The following SNF8 variants were observed in gnomAD, a reference collection of about 807,000 sequenced individuals.
The protein encoded by SNF8 is SNF8 subunit of ESCRT-II, also known as vacuolar-sorting protein SNF8.
SNF8 carries 19 observed loss-of-function variants against 36.8 expected under a neutral mutation model. That is an observed-to-expected ratio of 0.52 (90% CI 0.36 to 0.76). The LOEUF is 0.76. SNF8 is among the 30% of genes least tolerant of loss of function. The pLI, the probability that SNF8 is intolerant of heterozygous loss-of-function variation, is 0.00. For synonymous variants in SNF8, 127 were observed against 127.4 expected (o/e 1.00, Z 0.02); for missense variants, 268 against 322.9 (o/e 0.83, Z 1.30).
intron 5 of SNF8, chr17:48,934,613 A>C (rs1354804998): frequency 2.6e-5 from 4 of 156,018 alleles, no homozygotes; most frequent in Admixed American, 1.3e-4. Context: ...CAAAAAACAA[A>C]AAAAAAAAGT....
intron 4 of SNF8, chr17:48,936,739 A>C (rs1451366434): frequency 1.5e-5 from 7 of 480,312 alleles, no homozygotes; most frequent in Non-Finnish European, 2.2e-5. Flanking sequence ...ATCAGACATC[A>C]GGGGAAAAGG....
chr17:48,936,231 A>C lies in SNF8; in HGVS notation c.361T>G (p.Leu121Val), dbSNP rs777055605. 54 of 1,613,742 alleles carry C rather than the reference A, an allele frequency of 3.3e-5. No homozygotes were observed. The highest frequency in any genetic ancestry group is 4.3e-5 in the Non-Finnish European group (51 of 1,179,770). ...AACACCTGTTGATGTAGTTCCTCCA[A>C]AGTTATCAGACCTGTTTGGAGACAG... ...LKHRNGGLIT[L>V]EELHQQVLKG... The change falls in exon 5 of 8, where the codon TTG (leucine) becomes GTG (valine). Residue 121 changes from leucine (L) to valine (V), a missense_variant. Coordinates refer to ENST00000502492, the MANE Select transcript of SNF8 (RefSeq NM_007241.4).
intron 1 of SNF8, chr17:48,944,208 A>G (rs1365854917): frequency 1.3e-5 from 6 of 473,320 alleles, no homozygotes; most frequent in East Asian, 4.1e-5. Context: ...AGGCTGAGGC[A>G]GGAGAACGGC....
chr17:48,937,156 T>A (rs1177325052), intron 3 of SNF8, 32 bp from the exon 4 acceptor site: 2 of 1,492,704 alleles, frequency 1.3e-6, no homozygotes, highest in Admixed American at 3.3e-5. Context: ...TCTCGGTTAT[T>A]GATTAATTTA....
At chr17:48,944,411 G>A (rs1279598896) in intron 1 of SNF8, among the ~76,000 whole-genome samples, 1 of 152,240 alleles carries the variant, frequency 6.6e-6, no homozygotes, top group African/African-American at 2.4e-5. Context: ...GTTTTCTTAG[G>A]GAGAAGGATA....
chr17:48,933,510 A>G (rs954152942), intron 5 of SNF8, 164 bp from the exon 6 acceptor site: 1 of 727,768 alleles, frequency 1.4e-6, no homozygotes, highest in South Asian at 1.9e-5. Flanking sequence ...GGATGCCCAC[A>G]TTGAGAAGAC....
intron 2 of SNF8, among the ~76,000 whole-genome samples, chr17:48,942,324 C>G (rs186027562): frequency 9.0e-5 from 12 of 133,912 alleles, no homozygotes; most frequent in Admixed American, 8.5e-4. Flanking sequence ...GCAACAAGAG[C>G]GAAACTTGGT....
Position 48,936,168 on chromosome 17 carries a change from A to G in SNF8, c.422+2T>C, listed in dbSNP as rs1206517891. On this transcript the variant is annotated splice_donor_variant, in intron 5 of 7. Transcript: ENST00000502492. LOFTEE classifies it high-confidence loss of function. ...TCCAAGGGATTGGAAGACAAGACCTACTGACTGACATCCTGGGCGAACTTG... is the reference window on the plus strand; with the variant it reads ...TCCAAGGGATTGGAAGACAAGACCTGCTGACTGACATCCTGGGCGAACTTG... 1 of 1,611,650 alleles carries G rather than the reference A, an allele frequency of 6.2e-7. No homozygotes were observed. The highest frequency in any genetic ancestry group is 8.5e-7 in the Non-Finnish European group (1 of 1,177,880).
At chr17:48,944,630 A>G in intron 1 of SNF8, 51 bp downstream of exon 1, 1 of 1,581,070 alleles carries the variant, frequency 6.3e-7, no homozygotes, top group Non-Finnish European at 8.7e-7. Flanking sequence ...GGGACAATTC[A>G]GTCTCGCACG....
rs768570775 is a variant in SNF8 at position 48,943,950 on chromosome 17, A to C, written c.80T>G (p.Val27Gly). Residue 27 changes from valine to glycine, a missense_variant, in exon 2 of 8, where the codon GTC becomes GGC. By Grantham distance (109) the Val-to-Gly change is moderately radical. Coordinates refer to ENST00000502492, the MANE Select transcript of SNF8 (RefSeq NM_007241.4). ...CTGGGCTAGCTGGTCCTCAGCCAAG[A>C]CCGTCCCTCGCTCCTTATACTTGGC... Reference protein sequence around the residue: ...AEAKYKERGTVLAEDQLAQMS... With the variant: ...AEAKYKERGTGLAEDQLAQMS... The C allele has an allele frequency of 6.2e-7, 1 of 1,613,930 alleles. No individual in the cohort carries two copies. Among genetic ancestry groups the C allele is most frequent in the South Asian group, 1.1e-5 (1 of 91,090 alleles).
At chr17:48,937,553 C>T (rs556751412) in intron 3 of SNF8, among the ~76,000 whole-genome samples, 10 of 151,848 alleles carry the variant, frequency 6.6e-5, no homozygotes, top group Admixed American at 6.6e-4. Context: ...TTGCTGGAAC[C>T]CAGGAGGCAG....
chr17:48,941,093 A>T (rs2041016660), intron 2 of SNF8, 31 bp from the exon 3 acceptor site: 1 of 1,606,040 alleles, frequency 6.2e-7, no homozygotes, highest in Non-Finnish European at 8.5e-7. Context: ...GGTGAAGGGC[A>T]GCCCAGCCAA....
intron 4 of SNF8, chr17:48,936,561 T>C: frequency 6.1e-6 from 2 of 329,450 alleles, no homozygotes; most frequent in South Asian, 7.1e-5. Context: ...AAGTTTTCTT[T>C]CTGTAACTTC....
chr17:48,944,685 G>T lies in SNF8; in HGVS notation c.50C>A (p.Ala17Glu). 3.1e-6 allele frequency: 5 copies of T among 1,612,562 alleles called. No homozygotes were observed. Among genetic ancestry groups the T allele is most frequent in the Non-Finnish European group, 4.2e-6 (5 of 1,179,334 alleles). The stretch of plus-strand genomic sequence containing the variant: ...GTCGGCCTTCTTCCTGCTCACCTCT[G>T]CAAGTTTCTTCTTGGCGATGGCGCC... ...GAGAIAKKKL[A>E]EAKYKERGTV... is the part of the protein sequence containing the mutation. Residue 17 changes from alanine to glutamate, a missense_variant, in exon 1 of 8, where the codon GCA becomes GAA. By Grantham distance (107) the Ala-to-Glu change is moderately radical. Transcript: ENST00000502492.
In SNF8 at chr17:48,933,313, C is replaced by T. The variant is rs746868845; in HGVS notation, c.456G>A (p.Lys152=). The part of the protein sequence containing the change: ...DDLIRAIKKL[K]ALGTGFGIIP... ...TGATGCCGAAGCCAGTGCCAAGTGCCTTTAGTTTCTTGATGGCTCTGATCA... is the reference window on the plus strand; with the variant it reads ...TGATGCCGAAGCCAGTGCCAAGTGCTTTTAGTTTCTTGATGGCTCTGATCA... The change falls in exon 6 of 8, where the codon AAG becomes AAA. Residue 152 remains lysine, a synonymous_variant. Transcript: ENST00000502492. The T allele has an allele frequency of 1.2e-6, 2 of 1,614,188 alleles. No individual in the cohort carries two copies. Among genetic ancestry groups the T allele is most frequent in the South Asian group, 2.2e-5 (2 of 91,084 alleles).
intron 4 of SNF8, 58 bp downstream of exon 4, chr17:48,936,962 G>T: frequency 1.6e-6 from 2 of 1,230,752 alleles, no homozygotes; most frequent in South Asian, 1.2e-5. Context: ...AATCTTTTAC[G>T]GTTTTCTCCC....
At chr17:48,943,685 A>G (rs1446751544) in intron 2 of SNF8, among the ~76,000 whole-genome samples, 2 of 152,236 alleles carry the variant, frequency 1.3e-5, no homozygotes, top group Non-Finnish European at 2.9e-5. Flanking sequence ...GGATTGAACA[A>G]GACAGTCTAT....
chr17:48,940,894 A>C, intron 3 of SNF8, 30 bp downstream of exon 3: 1 of 1,606,870 alleles, frequency 6.2e-7, no homozygotes, highest in Non-Finnish European at 8.5e-7. Context: ...ACTCTATAAG[A>C]ACGCTGGACC....
In SNF8 at chr17:48,937,309, A is replaced by C. The variant is rs1365840212; in HGVS notation, c.245-185T>G. On this transcript the variant is annotated intron_variant, in intron 3 of 7. Transcript: ENST00000502492. ...AACTCCTGCTGAAGAACAGGGTCAG[A>C]CGGCTCCAGAGGGCAGGCAATCTAA... 7.2e-6 allele frequency: 5 copies of C among 697,482 alleles called. No individual in the cohort carries two copies. The East Asian group carries it at 1.4e-4, about 19-fold the overall frequency. 43.2% of individuals were successfully genotyped at this position (697,482 alleles called of 1,614,324 possible).
Sources: allele counts gnomAD v4.1 joint callset (sites outside exome capture counted in the v4.1 genomes callset), GRCh38; gene constraint gnomAD v4.1.1; transcripts MANE v1.5; gene names NCBI Gene and HGNC (gene_info 2026-07-23, HGNC 2026-07-21).